Variants in LARP7 observed in about 807,000 individuals in gnomAD.
The protein encoded by LARP7 is la-related protein 7.
LARP7 carries 52 observed loss-of-function variants against 69.3 expected under a neutral mutation model. The observed-to-expected ratio is 0.75, with a 90% CI of 0.60 to 0.95. The LOEUF (loss-of-function observed/expected upper bound fraction) is 0.95. LARP7 is among the 40% of genes least tolerant of loss of function. The probability of loss-of-function intolerance (pLI) is 0.00; values close to 1 mark genes in which losing one functional copy is unlikely to be tolerated. For missense variants in LARP7, 733 were observed against 673.0 expected (o/e 1.09, Z -0.99); for synonymous variants, 254 against 215.9 (o/e 1.18, Z -1.55).
intron 8 of LARP7, chr4:112,648,309 TAA>T (rs1311874399): frequency 1.9e-6 from 1 of 529,044 alleles, no homozygotes; most frequent in Non-Finnish European, 3.9e-6. Context: ...TTAGTAACCT[TAA>T]AACACAATAA....
At chr4:112,641,474 C>G (rs1055206378) in intron 1 of LARP7, among the ~76,000 whole-genome samples, 1 of 151,736 alleles carries the variant, frequency 6.6e-6, no homozygotes, top group Non-Finnish European at 1.5e-5. Context: ...GTAATTCTAT[C>G]TGGAGAATCG....
At position 112,646,447 on chromosome 4, in the gene LARP7, T is replaced by G; in HGVS notation, c.299T>G (p.Val100Gly). 6.4e-7 allele frequency: 1 copy of G among 1,573,874 alleles called. No individual in the cohort carries two copies. ...AGAGCATTGAGAAGTTCAGCTGTTGTAGAGGTAAGAATCAAGAATAACTAC... is the reference window on the plus strand; with the variant it reads ...AGAGCATTGAGAAGTTCAGCTGTTGGAGAGGTAAGAATCAAGAATAACTAC... ...IARALRSSAV[V>G]ELDLEGTRIR... Residue 100 changes from valine (V) to glycine (G), a missense_variant, in exon 3 of 13, where the codon GTA (valine) becomes GGA (glycine). By Grantham distance (109) the Val-to-Gly change is moderately radical. Transcript: ENST00000344442.
intron 1 of LARP7, among the ~76,000 whole-genome samples, chr4:112,642,293 A>G (rs1041414135): frequency 2.6e-5 from 4 of 152,190 alleles, no homozygotes; most frequent in African/African-American, 4.8e-5. Context: ...TTGTTTTTCT[A>G]TTATTAATTC....
intron 3 of LARP7, 25 bp downstream of exon 3, chr4:112,646,476 TTATATTTA>T: frequency 7.2e-7 from 1 of 1,396,212 alleles, no homozygotes. Context: ...TAACTACTGT[TTATATTTA>T]TAGTTTATAA....
Position 112,649,530 on chromosome 4 carries a change from T to C in LARP7, c.1143-5T>C, listed in dbSNP as rs924570419. 1.1e-5 allele frequency: 17 copies of C among 1,591,284 alleles called. No homozygotes were observed. Among genetic ancestry groups the C allele is most frequent in the Non-Finnish European group, 1.3e-5 (15 of 1,169,976 alleles). On this transcript the variant is annotated splice_region_variant and splice_polypyrimidine_tract_variant and intron_variant, in intron 8 of 12. Transcript: ENST00000344442. ...CATCTGTTATCACCATTTCTTTCCT[T>C]GTAGGAGCGAATGGATGGATTTGAA...
At chr4:112,655,860 T>G (rs557136289) in intron 12 of LARP7, among the ~76,000 whole-genome samples, 2 of 152,250 alleles carry the variant, frequency 1.3e-5, no homozygotes, top group East Asian at 3.9e-4. Flanking sequence ...GTATAGCTTT[T>G]CAGGCAGAAG....
intron 1 of LARP7, 73 bp from the exon 2 acceptor site, chr4:112,644,595 C>G: frequency 8.3e-7 from 1 of 1,210,546 alleles, no homozygotes. Flanking sequence ...CAGTTAAAGG[C>G]TAATCTAAAT....
intron 6 of LARP7, 28 bp downstream of exon 6, chr4:112,647,155 T>G (rs770677458): frequency 6.3e-7 from 1 of 1,596,584 alleles, no homozygotes; most frequent in Non-Finnish European, 8.5e-7. Context: ...TTTAAATAGG[T>G]GTAGTTGAAG....
In LARP7 at chr4:112,647,670, G is replaced by A. The variant is rs1478309004; in HGVS notation, c.998-20G>A. 6.6e-7 allele frequency: 1 copy of A among 1,506,248 alleles called. No individual in the cohort carries two copies. Among genetic ancestry groups the A allele is most frequent in the East Asian group, 2.3e-5 (1 of 44,000 alleles). The allele number at this position is 1,506,248 out of a possible 1,614,324, so 93.3% of individuals were successfully genotyped here. Reference sequence around the variant, plus strand: ...TCACAGCCCCATGTCTTAACGGAGAGCTTTTTTATTTATTTCAAGATATAG... The same window carrying A: ...TCACAGCCCCATGTCTTAACGGAGAACTTTTTTATTTATTTCAAGATATAG... On this transcript the variant is annotated intron_variant, in intron 7 of 12. Transcript: ENST00000344442.
intron 2 of LARP7, chr4:112,645,723 T>C: frequency 4.8e-6 from 2 of 416,874 alleles, no homozygotes; most frequent in South Asian, 1.7e-5. Flanking sequence ...GGTCCCACCA[T>C]GTTGCCCAGG....
At chr4:112,653,786 G>A (rs1222208801) in intron 11 of LARP7, among the ~76,000 whole-genome samples, 1 of 152,166 alleles carries the variant, frequency 6.6e-6, no homozygotes, top group Non-Finnish European at 1.5e-5. Context: ...ACTGCACCAG[G>A]CAATTTTTAT....
At chr4:112,646,555 T>A in intron 3 of LARP7, 33 bp from the exon 4 acceptor site, 1 of 1,314,270 alleles carries the variant, frequency 7.6e-7, no homozygotes, top group Non-Finnish European at 1.0e-6. Flanking sequence ...ATAAATAATA[T>A]TAGTTTTATT....
Position 112,650,530 on chromosome 4 carries a change from T to G in LARP7, c.1364T>G (p.Val455Gly). ...NATGPQFVSGVIVKIISTEPL... is the reference protein window; with the variant it reads ...NATGPQFVSGGIVKIISTEPL... Reference sequence around the variant, plus strand: ...ACAGGACCACAGTTCGTGAGTGGAGTGATTGTGAAGATCATTAGCACAGAG... The same window carrying G: ...ACAGGACCACAGTTCGTGAGTGGAGGGATTGTGAAGATCATTAGCACAGAG... The change falls in exon 10 of 13, where the codon GTG becomes GGG. Residue 455 changes from valine to glycine, a missense_variant. Physicochemically the swap from Val to Gly is moderately radical, Grantham distance 109 (BLOSUM62 -3). Coordinates refer to ENST00000344442, the MANE Select transcript of LARP7 (RefSeq NM_016648.4). 2 of 1,613,412 alleles carry G rather than the reference T, an allele frequency of 1.2e-6. No individual in the cohort carries two copies. The highest frequency in any genetic ancestry group is 1.7e-6 in the Non-Finnish European group (2 of 1,179,700).
intron 1 of LARP7, chr4:112,638,062 G>C (rs547145309): frequency 6.6e-6 from 1 of 152,442 alleles, no homozygotes; most frequent in South Asian, 2.1e-4. Flanking sequence ...TTGGGAGGCC[G>C]ACGCGGGAGG....
At chr4:112,655,295 T>G (rs916707409) in intron 12 of LARP7, 1 of 152,224 alleles carries the variant, frequency 6.6e-6, no homozygotes, top group African/African-American at 2.4e-5. Context: ...TGGTGTGAAA[T>G]TTCATTTAGA....
intron 2 of LARP7, chr4:112,645,650 G>T (rs1395638162): frequency 2.3e-6 from 1 of 444,304 alleles, no homozygotes; most frequent in African/African-American, 2.2e-5. Context: ...CTCCCCAGTA[G>T]CTGAGAACAC....
rs772046789 is a variant in LARP7, at chr4:112,650,564, T to G, written c.1398T>G (p.Pro466=). The part of the protein sequence containing the change: ...IVKIISTEPL[P]GRKQVRDTLA... ...AGATCATTAGCACAGAGCCTCTACC[T>G]GGCAGGAAACAAGTCCGGGTAATGA... Residue 466 remains proline, a synonymous_variant, in exon 10 of 13, where the codon CCT becomes CCG. Coordinates refer to ENST00000344442, the MANE Select transcript of LARP7 (RefSeq NM_016648.4). 1 of 1,613,552 alleles carries G rather than the reference T, an allele frequency of 6.2e-7. No individual in the cohort carries two copies. The highest frequency in any genetic ancestry group is 8.5e-7 in the Non-Finnish European group (1 of 1,179,642).
intron 3 of LARP7, 43 bp from the exon 4 acceptor site, chr4:112,646,545 A>C (rs1248010529): frequency 7.8e-7 from 1 of 1,288,704 alleles, no homozygotes; most frequent in Non-Finnish European, 1.1e-6. Context: ...GCTTACAATT[A>C]TAAATAATAT....
chr4:112,656,380 A>G (rs1275866913), intron 12 of LARP7, among the ~76,000 whole-genome samples: 2 of 152,216 alleles, frequency 1.3e-5, no homozygotes, highest in Non-Finnish European at 1.5e-5. Flanking sequence ...CCTGGGCAAC[A>G]GAGCAAGACT....
Sources: allele counts gnomAD v4.1 joint callset (sites outside exome capture counted in the v4.1 genomes callset), GRCh38; gene constraint gnomAD v4.1.1; transcripts MANE v1.5; gene names NCBI Gene and HGNC (gene_info 2026-07-23, HGNC 2026-07-21).